LINGO2: variants seen among roughly 807,000 people sequenced by gnomAD.
The protein encoded by LINGO2 is leucine-rich repeat and immunoglobulin-like domain-containing nogo receptor-interacting protein 2.
In LINGO2, 14 loss-of-function variants were observed where a neutral mutation model predicts 30.6. That is an observed-to-expected ratio of 0.46 (90% CI 0.30 to 0.72). The LOEUF (loss-of-function observed/expected upper bound fraction) is 0.72. Ranked by LOEUF, LINGO2 falls within the 30% of genes least tolerant of loss-of-function variation. The probability of loss-of-function intolerance (pLI) is 0.07; values close to 1 mark genes in which losing one functional copy is unlikely to be tolerated. For synonymous variants in LINGO2, 317 were observed against 288.5 expected (o/e 1.10, Z -1.00); for missense variants, 729 against 751.7 (o/e 0.97, Z 0.35).
chr9:29,112,736 T>G, the LINGO2 span, among the ~76,000 whole-genome samples: 1 of 152,216 alleles, frequency 6.6e-6, no homozygotes, highest in Admixed American at 6.5e-5. Flanking sequence ...GAGATTATAA[T>G]TGAATATTTT....
chr9:29,148,142 C>T, the LINGO2 span, among the ~76,000 whole-genome samples: 121 of 151,990 alleles, frequency 8.0e-4, 1 homozygote, highest in Middle Eastern at 6.8e-3. Context: ...AATGAAAATT[C>T]TTTATATGTT....
At chr9:28,548,479 G>C (rs957279891) in intron 1 of LINGO2, among the ~76,000 whole-genome samples, 3 of 151,930 alleles carry the variant, frequency 2.0e-5, no homozygotes, top group African/African-American at 7.2e-5. Context: ...GCCGAGACGG[G>C]TGGTTCACGA....
chr9:28,814,257 C>T, the LINGO2 span, among the ~76,000 whole-genome samples: 2 of 151,930 alleles, frequency 1.3e-5, no homozygotes, highest in East Asian at 1.9e-4. Flanking sequence ...GCCAACATGG[C>T]AAAACCCTGT....
rs193118679 is a variant in LINGO2, at chr9:28,611,016, C to T, written c.-365+59184G>A. Among the ~76,000 whole-genome samples, 204 of 152,148 alleles carry T rather than the reference C, an allele frequency of 1.3e-3. 1 individual carries two copies. Among genetic ancestry groups the T allele is most frequent in the African/African-American group, 4.7e-3 (194 of 41,528 alleles). ...AAATATTTGGGGAAAAATGTGCCAACAAAACTATTTTAGGCAGCTGCTATT... is the reference window on the plus strand; with the variant it reads ...AAATATTTGGGGAAAAATGTGCCAATAAAACTATTTTAGGCAGCTGCTATT... On this transcript the variant is annotated intron_variant, in intron 1 of 5. Transcript: ENST00000379992.
chr9:28,859,073 A>T, the LINGO2 span, among the ~76,000 whole-genome samples: 5 of 152,112 alleles, frequency 3.3e-5, no homozygotes, highest in East Asian at 9.6e-4. Flanking sequence ...AAATGTCATG[A>T]TACAAGTAAA....
the LINGO2 span, among the ~76,000 whole-genome samples, chr9:29,178,930 T>C: frequency 6.6e-6 from 1 of 151,724 alleles, no homozygotes; most frequent in Non-Finnish European, 1.5e-5. Flanking sequence ...AGTTTCAGGC[T>C]AGACTGGGCA....
chr9:28,071,045 G>A (rs1320865057), intron 4 of LINGO2, among the ~76,000 whole-genome samples: 2 of 152,114 alleles, frequency 1.3e-5, no homozygotes, highest in Non-Finnish European at 2.9e-5. Context: ...GTATATTGAG[G>A]AAGATGAGAT....
chr9:28,425,352 T>C lies in LINGO2; in HGVS notation c.-279+50588A>G, dbSNP rs1211240921. Among the ~76,000 whole-genome samples, 5 of 148,034 alleles carry C rather than the reference T, an allele frequency of 3.4e-5. No individual in the cohort carries two copies. The South Asian group carries it at 6.6e-4, about 19-fold the overall frequency. On this transcript the variant is annotated intron_variant, in intron 2 of 5. Transcript: ENST00000379992. ...GTGTATATATATATATATAAACACA[T>C]ACATATACACATATATTGGCTCAAT...
intron 4 of LINGO2, among the ~76,000 whole-genome samples, chr9:28,068,309 T>G (rs1825373699): frequency 6.6e-6 from 1 of 152,144 alleles, no homozygotes; most frequent in Non-Finnish European, 1.5e-5. Flanking sequence ...CCTCTTCTCT[T>G]GTCTTATAGG....
chr9:29,082,017 A>C, the LINGO2 span, among the ~76,000 whole-genome samples: 2 of 152,160 alleles, frequency 1.3e-5, no homozygotes, highest in South Asian at 2.1e-4. Flanking sequence ...GGTAATTTAC[A>C]GATTCAATGC....
At chr9:28,613,197 T>C (rs973111841) in intron 1 of LINGO2, among the ~76,000 whole-genome samples, 4 of 152,250 alleles carry the variant, frequency 2.6e-5, no homozygotes, top group African/African-American at 4.8e-5. Context: ...TCTTGGGCAA[T>C]GCTTTATAGC....
intron 4 of LINGO2, among the ~76,000 whole-genome samples, chr9:28,155,067 T>G (rs1399134015): frequency 1.3e-5 from 2 of 152,224 alleles, no homozygotes; most frequent in Non-Finnish European, 2.9e-5. Flanking sequence ...CAGACAAATC[T>G]TTCTGAGAGC....
At chr9:28,344,936 A>C (rs1344574795) in intron 3 of LINGO2, among the ~76,000 whole-genome samples, 2 of 152,146 alleles carry the variant, frequency 1.3e-5, no homozygotes, top group Non-Finnish European at 2.9e-5. Context: ...ATTATTTTTA[A>C]TTTTCAAAGA....
At chr9:28,910,783 C>G in the LINGO2 span, among the ~76,000 whole-genome samples, 2 of 151,926 alleles carry the variant, frequency 1.3e-5, no homozygotes, top group African/African-American at 4.8e-5. Flanking sequence ...ATTACCCAGT[C>G]TCAGGTAGTT....
exon 6 of LINGO2, chr9:27,949,390 C>T: frequency 5.0e-6 from 8 of 1,614,122 alleles, no homozygotes; most frequent in Non-Finnish European, 5.9e-6. Context: ...TCTAGCTGGA[C>T]TGTCTGCCCT....
At chr9:28,539,961 T>TGCCC (rs1002775774) in intron 1 of LINGO2, among the ~76,000 whole-genome samples, 1 of 152,170 alleles carries the variant, frequency 6.6e-6, no homozygotes, top group African/African-American at 2.4e-5. Context: ...TTCAACAGGA[T>TGCCC]GCCCGAGTCA....
At chr9:28,539,168 T>A (rs12115705) in intron 1 of LINGO2, among the ~76,000 whole-genome samples, 3,271 of 152,050 alleles carry the variant, frequency 0.022, 118 homozygotes, top group African/African-American at 0.074. Flanking sequence ...GTAAAAAAGG[T>A]TATGCAGCCA....
intron 1 of LINGO2, among the ~76,000 whole-genome samples, chr9:28,557,456 C>T (rs1822780354): frequency 6.6e-6 from 1 of 152,084 alleles, no homozygotes; most frequent in Admixed American, 6.6e-5. Flanking sequence ...GATACCATCT[C>T]ACACCAGTTA....
At chr9:28,284,069 T>C (rs1823421342) in intron 4 of LINGO2, among the ~76,000 whole-genome samples, 1 of 152,122 alleles carries the variant, frequency 6.6e-6, no homozygotes. Context: ...CTGGCATGAC[T>C]CTGCTTGGCT....
Sources: gnomAD v4.1 joint callset for allele counts (sites outside exome capture counted in the v4.1 genomes callset) on GRCh38, gnomAD v4.1.1 for gene constraint, MANE v1.5 for transcripts, NCBI Gene and HGNC (gene_info 2026-07-23, HGNC 2026-07-21) for gene names.